Variants in DNAH12 observed in about 807,000 individuals in gnomAD.
DNAH12 encodes the protein dynein axonemal heavy chain 12.
Under a neutral mutation model 371.5 loss-of-function variants are expected in DNAH12, and 285 were observed. The ratio of observed to expected loss-of-function variants is 0.77; its 90% confidence interval spans 0.70 to 0.85. The LOEUF is 0.85. Ranked by LOEUF, DNAH12 falls within the 40% of genes least tolerant of loss-of-function variation. The pLI is 0.00. For synonymous variants in DNAH12, 1,200 were observed against 1,213.0 expected (o/e 0.99, Z 0.22); for missense variants, 3,611 against 3,689.4 (o/e 0.98, Z 0.55).
rs2066400473 is a variant in DNAH12 at position 57,472,673 on chromosome 3, T to C, written c.1651-2A>G. ...GTAACTCATTTGGCGTTTAGATTCC[T>C]ACAAAAGAAACTCTGGATATAATAT... On this transcript the variant is annotated splice_acceptor_variant, in intron 13 of 73. Transcript: ENST00000495027. LOFTEE classifies it high-confidence loss of function. 1 of 1,548,282 alleles carries C rather than the reference T, an allele frequency of 6.5e-7. No individual in the cohort carries two copies. Among genetic ancestry groups the C allele is most frequent in the South Asian group, 1.2e-5 (1 of 82,974 alleles).
At chr3:57,419,333 A>C (rs2064491440) in intron 37 of DNAH12, 34 bp downstream of exon 37, 1 of 1,467,192 alleles carries the variant, frequency 6.8e-7, no homozygotes, top group African/African-American at 1.5e-5. Context: ...GTACTTTTAC[A>C]TTCAAAATGC....
At chr3:57,309,919 A>G in intron 67 of DNAH12, 65 bp from the exon 68 acceptor site, 1 of 1,366,514 alleles carries the variant, frequency 7.3e-7, no homozygotes, top group East Asian at 2.6e-5. Flanking sequence ...TGATCAGGAT[A>G]CGCTACTCCA....
intron 35 of DNAH12, among the ~76,000 whole-genome samples, chr3:57,423,319 A>C (rs905059464): frequency 3.3e-5 from 5 of 152,368 alleles, no homozygotes; most frequent in South Asian, 4.1e-4. Context: ...ATACTTTTAT[A>C]AACAGTAACA....
intron 35 of DNAH12, among the ~76,000 whole-genome samples, chr3:57,423,571 G>A (rs78531795): frequency 0.022 from 3,397 of 152,204 alleles, 98 homozygotes; most frequent in African/African-American, 0.077. Context: ...AACAATGGGA[G>A]GGAACTGCTA....
At chr3:57,479,515 G>A (rs922531205) in intron 13 of DNAH12, among the ~76,000 whole-genome samples, 2 of 152,146 alleles carry the variant, frequency 1.3e-5, no homozygotes, top group Non-Finnish European at 2.9e-5. Context: ...AGATCAATGA[G>A]ACAGAAAGTT....
At position 57,419,403 on chromosome 3, in the gene DNAH12, T is replaced by A; in HGVS notation, c.5678A>T (p.Tyr1893Phe). ...AATACTCAAATCCATTAGAAACGTATATCTAATTGTGTCCATCGTAGGGAC... is the reference window on the plus strand; with the variant it reads ...AATACTCAAATCCATTAGAAACGTAAATCTAATTGTGTCCATCGTAGGGAC... ...IIVPTMDTIR[Y>F]TFLMDLSITY... The change falls in exon 37 of 74, where the codon TAT becomes TTT. Residue 1893 changes from tyrosine to phenylalanine, a missense_variant. Tyr to Phe is a conservative substitution (Grantham distance 22, BLOSUM62 3). This residue lies in a region of DNAH12 where 2,266 missense variants were observed against 2,236.9 expected (regional missense o/e 1.01). Coordinates refer to ENST00000495027, the MANE Select transcript of DNAH12 (RefSeq NM_001366028.2). 1 of 1,509,384 alleles carries A rather than the reference T, an allele frequency of 6.6e-7. No homozygotes were observed. The allele number at this position is 1,509,384 out of a possible 1,614,324, so 93.5% of individuals were successfully genotyped here.
At chr3:57,346,814 A>C (rs1166977009) in intron 60 of DNAH12, among the ~76,000 whole-genome samples, 1 of 152,178 alleles carries the variant, frequency 6.6e-6, no homozygotes, top group African/African-American at 2.4e-5. Flanking sequence ...TAGCTATATT[A>C]ATTTCAGACT....
intron 43 of DNAH12, among the ~76,000 whole-genome samples, chr3:57,401,563 CAAA>C (rs71294714): frequency 5.9e-5 from 4 of 67,988 alleles, no homozygotes; most frequent in Admixed American, 1.8e-4. Flanking sequence ...GACTCCATCT[CAAA>C]AAAAAAAAAA....
intron 45 of DNAH12, among the ~76,000 whole-genome samples, chr3:57,390,424 A>AATATATAT (rs1159621191): frequency 3.0e-4 from 10 of 33,440 alleles, no homozygotes; most frequent in Admixed American, 5.6e-4. Flanking sequence ...AAAAAAAAAA[A>AATATATAT]ATATATATAT....
At chr3:57,500,979 CTA>C (rs2067523130) in intron 11 of DNAH12, among the ~76,000 whole-genome samples, 1 of 152,182 alleles carries the variant, frequency 6.6e-6, no homozygotes, top group African/African-American at 2.4e-5. Flanking sequence ...CACGGTCTCA[CTA>C]TGTTGCCCAG....
At chr3:57,411,221 T>C (rs2064190750) in intron 39 of DNAH12, among the ~76,000 whole-genome samples, 1 of 152,028 alleles carries the variant, frequency 6.6e-6, no homozygotes. Context: ...ACAAGTGGAA[T>C]TTGAAATTAA....
intron 23 of DNAH12, among the ~76,000 whole-genome samples, chr3:57,454,120 A>T (rs2065836138): frequency 6.6e-6 from 1 of 152,032 alleles, no homozygotes; most frequent in Non-Finnish European, 1.5e-5. Context: ...AAACACACAC[A>T]CACACATACA....
At chr3:57,447,481 G>C (rs1014619228) in intron 25 of DNAH12, among the ~76,000 whole-genome samples, 5 of 152,136 alleles carry the variant, frequency 3.3e-5, no homozygotes, top group African/African-American at 4.8e-5. Context: ...GCATGTAAGG[G>C]GGGTAGGGGG....
intron 62 of DNAH12, among the ~76,000 whole-genome samples, chr3:57,331,341 G>A (rs551554042): frequency 6.6e-5 from 10 of 152,258 alleles, no homozygotes; most frequent in Admixed American, 2.0e-4. Flanking sequence ...TTAAGTCTTC[G>A]TCATGAACAA....
chr3:57,334,524 C>A lies in DNAH12; in HGVS notation c.9919G>T (p.Asp3307Tyr). Residue 3307 changes from aspartate (D) to tyrosine (Y), a missense_variant, in exon 62 of 74, where the codon GAT becomes TAT. Physicochemically the swap from Asp to Tyr is radical, Grantham distance 160. Transcript: ENST00000495027. Reference sequence around the variant, plus strand: ...TTCTGTAGTTCATTTAGGTTCTTATCCATTGGTGCTGGAAATTTAGCATTA... The same window carrying A: ...TTCTGTAGTTCATTTAGGTTCTTATACATTGGTGCTGGAAATTTAGCATTA... ...PHNAKFPAPMDKNLNELQKII... is the reference protein window; with the variant it reads ...PHNAKFPAPMYKNLNELQKII... 6.4e-7 allele frequency: 1 copy of A among 1,551,064 alleles called. No homozygotes were observed. Among genetic ancestry groups the A allele is most frequent in the Non-Finnish European group, 8.7e-7 (1 of 1,146,872 alleles).
In DNAH12 at chr3:57,499,673, T is replaced by TATATATATATATATACAC. The variant is rs771112538; in HGVS notation, c.1335+1647_1335+1648insGTGTATATATATATATAT. 4.5e-4 allele frequency among the ~76,000 whole-genome samples: 20 copies of TATATATATATATATACAC among 44,448 alleles called. 1 individual carries two copies. The South Asian group carries it at 6.1e-3, about 14-fold the overall frequency. 29.2% of individuals were successfully genotyped at this position (44,448 alleles called of 152,430 possible). The stretch of plus-strand genomic sequence containing the variant: ...ATATATATATATATATATATATATA[T>TATATATATATATATACAC]ATACTTCTTAAAAAAATTAGCCAGG... On this transcript the variant is annotated intron_variant, in intron 11 of 73. Coordinates refer to ENST00000495027, the MANE Select transcript of DNAH12 (RefSeq NM_001366028.2).
At chr3:57,321,090 A>G (rs186777663) in intron 65 of DNAH12, among the ~76,000 whole-genome samples, 1 of 152,260 alleles carries the variant, frequency 6.6e-6, no homozygotes, top group Non-Finnish European at 1.5e-5. Context: ...CTGAGTCCCA[A>G]ATTAGCTCTG....
chr3:57,451,729 A>G (rs973168598), intron 25 of DNAH12, among the ~76,000 whole-genome samples: 10 of 152,174 alleles, frequency 6.6e-5, no homozygotes, highest in Admixed American at 6.5e-4. Context: ...CCCCACACAC[A>G]CCAGGAGTGT....
intron 70 of DNAH12, among the ~76,000 whole-genome samples, chr3:57,297,984 A>G (rs565363745): frequency 2.0e-5 from 3 of 152,118 alleles, no homozygotes; most frequent in African/African-American, 4.8e-5. Flanking sequence ...TCCATCCCCA[A>G]TGTATTTTCA....
Sources: gnomAD v4.1 joint callset for allele counts (sites outside exome capture counted in the v4.1 genomes callset) on GRCh38, gnomAD v4.1.1 for gene constraint, gnomAD v4.1.1 regional missense constraint, MANE v1.5 for transcripts, NCBI Gene and HGNC (gene_info 2026-07-23, HGNC 2026-07-21) for gene names.